The following BCAS3 variants were observed in gnomAD, a reference collection of about 807,000 sequenced individuals.
BCAS3 encodes BCAS4/BCAS3 fusion.
Under a neutral mutation model 116.1 loss-of-function variants are expected in BCAS3, and 53 were observed. That is an observed-to-expected ratio of 0.46 (90% CI 0.37 to 0.57). The LOEUF (loss-of-function observed/expected upper bound fraction) is 0.57, where lower values mean the gene tolerates loss of function less well. Ranked by LOEUF, BCAS3 falls within the 20% of genes least tolerant of loss-of-function variation. BCAS3 has a pLI of 0.00. For synonymous variants in BCAS3, 391 were observed against 408.2 expected (o/e 0.96, Z 0.51); for missense variants, 917 against 1,165.4 (o/e 0.79, Z 3.10).
At chr17:60,844,626 A>G (rs1048144242) in intron 7 of BCAS3, among the ~76,000 whole-genome samples, 9 of 152,142 alleles carry the variant, frequency 5.9e-5, no homozygotes, top group African/African-American at 2.2e-4. Context: ...TGGTCTAACT[A>G]AGGGGGAGGG....
rs879375459 is a variant in BCAS3, at chr17:61,026,341, A to C, written c.1638-8325A>C. ...GTACTTAGTGTTTTTTCCTTTGACC[A>C]ACAATATACAATTCAACTTACGACA... On this transcript the variant is annotated intron_variant, in intron 16 of 23. Coordinates refer to ENST00000407086, the MANE Select transcript of BCAS3 (RefSeq NM_017679.5). This position sits in a 1 kb window ranked among gnomAD's most constrained non-coding sequence, Gnocchi z 5.0. Among the ~76,000 whole-genome samples the C allele has an allele frequency of 4.6e-5, 7 of 152,078 alleles. No individual in the cohort carries two copies. The highest frequency in any genetic ancestry group is 5.9e-5 in the Non-Finnish European group (4 of 67,940).
rs2066903700 is a variant in BCAS3, at chr17:61,034,960, A to G, written c.1762+170A>G. On this transcript the variant is annotated intron_variant, in intron 17 of 23. Transcript: ENST00000407086. This position sits in a 1 kb window ranked among gnomAD's most constrained non-coding sequence, Gnocchi z 5.0. ...TACTCAAGCCTAGTCAAGAAGAAAAACTATCCTCTCAGTATGAACGTTAAT... is the reference window on the plus strand; with the variant it reads ...TACTCAAGCCTAGTCAAGAAGAAAAGCTATCCTCTCAGTATGAACGTTAAT... Among the ~76,000 whole-genome samples the G allele has an allele frequency of 6.6e-6, 1 of 152,138 alleles. No homozygotes were observed. Among genetic ancestry groups the G allele is most frequent in the Non-Finnish European group, 1.5e-5 (1 of 68,012 alleles).
At chr17:61,155,846 G>T (rs1033727890) in intron 22 of BCAS3, among the ~76,000 whole-genome samples, 5 of 152,138 alleles carry the variant, frequency 3.3e-5, no homozygotes, top group Non-Finnish European at 4.4e-5. Context: ...CCTTGTTAAG[G>T]CCTTTTAATC....
chr17:61,290,930 G>A lies in BCAS3; in HGVS notation c.2426-77397G>A, dbSNP rs542887280. Among the ~76,000 whole-genome samples the A allele has an allele frequency of 8.5e-5, 13 of 152,244 alleles. No individual in the cohort carries two copies. In the South Asian group the frequency reaches 1.7e-3, roughly 19 times the overall value. On this transcript the variant is annotated intron_variant, in intron 22 of 23. Transcript: ENST00000407086. ...CAAGTAGCTGGGACTACAGGTGCCT[G>A]CCACCACGCCCGGCTAATTTTTTGT...
chr17:60,972,444 CTT>C (rs150860541), intron 14 of BCAS3, among the ~76,000 whole-genome samples: 6,028 of 113,824 alleles, frequency 0.053, 300 homozygotes, highest in African/African-American at 0.2. Context: ...CTCACTTGGC[CTT>C]TTTTTTTTTT....
intron 16 of BCAS3, among the ~76,000 whole-genome samples, chr17:61,025,692 A>G (rs2066192689): frequency 6.6e-6 from 1 of 151,872 alleles, no homozygotes; most frequent in Non-Finnish European, 1.5e-5. Context: ...CTTGCTTGGC[A>G]TTGGCATTGG....
rs2057004784 is a variant in BCAS3 at position 61,339,764 on chromosome 17, T to TG, written c.2426-28563_2426-28562insG. ...CGGGGCGACAAAGCGAGACCCCATC[T>TG]AAAAAAAAAAAAAAAAGACCAAGGA... On this transcript the variant is annotated intron_variant, in intron 22 of 23. Transcript: ENST00000407086. This position sits in a 1 kb window ranked among gnomAD's most constrained non-coding sequence, Gnocchi z 4.4. Among the ~76,000 whole-genome samples the TG allele has an allele frequency of 8.6e-6, 1 of 115,634 alleles. No individual in the cohort carries two copies. The allele number at this position is 115,634 out of a possible 152,430, so 75.9% of individuals were successfully genotyped here. A position where few individuals can be genotyped will look rare whatever the true frequency, so the allele number is the denominator to read the frequency against.
Position 60,752,155 on chromosome 17 carries a change from G to GGTGTGT in BCAS3, c.403+4903_403+4908dup, listed in dbSNP as rs55713453. 3.6e-3 allele frequency among the ~76,000 whole-genome samples: 526 copies of GGTGTGT among 144,746 alleles called. 3 individuals are homozygous for GGTGTGT. The highest frequency in any genetic ancestry group is 0.017 in the East Asian group (83 of 4,890). The allele number at this position is 144,746 out of a possible 152,430, so 95.0% of individuals were successfully genotyped here. On this transcript the variant is annotated intron_variant, in intron 6 of 23. Coordinates refer to ENST00000407086, the MANE Select transcript of BCAS3 (RefSeq NM_017679.5). ...TATGTATTACATGTATTGGCTGAAGGGTGTGTGTGTGTGTGTGTGTGTGTG... is the reference window on the plus strand; with the variant it reads ...TATGTATTACATGTATTGGCTGAAGGGTGTGTGTGTGTGTGTGTGTGTGTGTGTGTG...
rs9897938 is a variant in BCAS3, at chr17:61,279,227, A to G, written c.2426-89100A>G. On this transcript the variant is annotated intron_variant, in intron 22 of 23. Transcript: ENST00000407086. This position sits in a 1 kb window ranked among gnomAD's most constrained non-coding sequence, Gnocchi z 4.4. Reference sequence around the variant, plus strand: ...CTCCCAAAGTGTTGGGATTACAGGCATGAGCCACCATACCTAGCCTGAATT... The same window carrying G: ...CTCCCAAAGTGTTGGGATTACAGGCGTGAGCCACCATACCTAGCCTGAATT... Among the ~76,000 whole-genome samples, 31,263 of 152,120 alleles carry G rather than the reference A, an allele frequency of 0.21. 5,956 individuals are homozygous for G. The highest frequency in any genetic ancestry group is 0.51 in the African/African-American group (21,193 of 41,488).
At chr17:60,803,161 ATCT>A (rs1455349607) in intron 6 of BCAS3, among the ~76,000 whole-genome samples, 3 of 152,126 alleles carry the variant, frequency 2.0e-5, no homozygotes, top group Non-Finnish European at 4.4e-5. Flanking sequence ...TTGTCATTTA[ATCT>A]TCTTCACTTT....
At chr17:60,749,246 G>A (rs2042247787) in intron 6 of BCAS3, among the ~76,000 whole-genome samples, 1 of 152,190 alleles carries the variant, frequency 6.6e-6, no homozygotes, top group African/African-American at 2.4e-5. Context: ...TGTTTGGCTG[G>A]ATAACAAATA....
chr17:60,929,149 G>A (rs116988393), intron 13 of BCAS3, among the ~76,000 whole-genome samples: 20 of 152,220 alleles, frequency 1.3e-4, no homozygotes, highest in Admixed American at 3.9e-4. Flanking sequence ...GGTAGGAGCC[G>A]GGCACATTGC....
At chr17:60,894,612 G>A (rs1417616400) in intron 10 of BCAS3, among the ~76,000 whole-genome samples, 2 of 152,154 alleles carry the variant, frequency 1.3e-5, no homozygotes, top group African/African-American at 4.8e-5. Flanking sequence ...TGTCGAATAC[G>A]AGTGGTGAAG....
rs1360324781 is a variant in BCAS3, at chr17:61,037,647, C to G, written c.1763-242C>G. On this transcript the variant is annotated intron_variant, in intron 17 of 23. Transcript: ENST00000407086. The surrounding 1 kb of genome is among the most constrained non-coding windows in gnomAD (Gnocchi z 4.7). ...ATTAGCCGGGTGTGGTGACAGGAGC[C>G]TGTAATCCCAGCTACTCAAGAGGCT... is the stretch of plus-strand genomic sequence containing the variant. Among the ~76,000 whole-genome samples the G allele has an allele frequency of 6.6e-6, 1 of 152,114 alleles. No homozygotes were observed. Among genetic ancestry groups the G allele is most frequent in the Non-Finnish European group, 1.5e-5 (1 of 68,024 alleles).
intron 6 of BCAS3, among the ~76,000 whole-genome samples, chr17:60,777,332 A>G (rs2045397398): frequency 6.6e-6 from 1 of 152,100 alleles, no homozygotes; most frequent in Non-Finnish European, 1.5e-5. Flanking sequence ...ACCACAACAA[A>G]CTCAAAACTT....
At position 61,017,986 on chromosome 17, in the gene BCAS3, T is replaced by C. The variant is rs759572541; in HGVS notation, c.1637+2085T>C. 6.6e-6 allele frequency among the ~76,000 whole-genome samples: 1 copy of C among 152,256 alleles called. No homozygotes were observed. The highest frequency in any genetic ancestry group is 1.5e-5 in the Non-Finnish European group (1 of 68,044). On this transcript the variant is annotated intron_variant, in intron 16 of 23. Transcript: ENST00000407086. The surrounding 1 kb of genome is among the most constrained non-coding windows in gnomAD (Gnocchi z 4.7). ...TTGGAGCATGTATTCTGTTGCGTTATGAACAATTTATTAATAAGGGAACTG... is the reference window on the plus strand; with the variant it reads ...TTGGAGCATGTATTCTGTTGCGTTACGAACAATTTATTAATAAGGGAACTG...
chr17:61,112,918 T>A (rs1470957226), intron 22 of BCAS3, among the ~76,000 whole-genome samples: 2 of 149,004 alleles, frequency 1.3e-5, no homozygotes, highest in Non-Finnish European at 3.0e-5. Flanking sequence ...AAACTAGAAC[T>A]CAGGATTAAG....
intron 7 of BCAS3, among the ~76,000 whole-genome samples, chr17:60,836,232 C>T (rs978278774): frequency 6.6e-6 from 1 of 152,098 alleles, no homozygotes; most frequent in African/African-American, 2.4e-5. Context: ...AAGGCTCACT[C>T]TTGGTGTTAT....
At chr17:61,146,618 A>C (rs949258582) in intron 22 of BCAS3, among the ~76,000 whole-genome samples, 2 of 152,200 alleles carry the variant, frequency 1.3e-5, no homozygotes, top group African/African-American at 4.8e-5. Flanking sequence ...AAATGATAGA[A>C]TCTTGAGCTA....
Sources: gnomAD v4.1 joint callset for allele counts (sites outside exome capture counted in the v4.1 genomes callset) on GRCh38, gnomAD v4.1.1 for gene constraint, Gnocchi (gnomAD v3.1) non-coding constraint, MANE v1.5 for transcripts, NCBI Gene and HGNC (gene_info 2026-07-23, HGNC 2026-07-21) for gene names.